Variants in NT5C1B observed in about 807,000 individuals in gnomAD.
NT5C1B encodes the protein cytosolic 5'-nucleotidase 1B.
Under a neutral mutation model 57.8 loss-of-function variants are expected in NT5C1B, and 44 were observed. The ratio of observed to expected loss-of-function variants is 0.76; its 90% confidence interval spans 0.60 to 0.98. The LOEUF (loss-of-function observed/expected upper bound fraction) is 0.98. Among genes scored for constraint, NT5C1B ranks in the 50% least tolerant of loss-of-function variants. NT5C1B has a pLI of 0.00. For missense variants in NT5C1B, 742 were observed against 719.5 expected, an observed-to-expected ratio of 1.03 and a Z score of -0.36; for synonymous variants, 284 against 282.6, an observed-to-expected ratio of 1.00 and a Z score of -0.05.
exon 9 of NT5C1B, chr2:18,563,309 T>C (rs931685532): frequency 1.2e-4 from 19 of 152,362 alleles, no homozygotes; most frequent in African/African-American, 4.6e-4. Context: ...AGTGAAATTC[T>C]CATTTTGCTT....
chr2:18,586,189 A>G (rs1018065076), intron 3 of NT5C1B, 65 bp downstream of exon 3: 7 of 1,578,608 alleles, frequency 4.4e-6, no homozygotes, highest in Non-Finnish European at 5.2e-6. Flanking sequence ...CGTAGAAAGC[A>G]TCAATAAATG....
Position 18,584,080 on chromosome 2 carries a change from C to T in NT5C1B, c.891+8G>A, listed in dbSNP as rs776277755. On this transcript the variant is annotated splice_region_variant and intron_variant, in intron 5 of 8. Transcript: ENST00000304081. The surrounding 1 kb of genome is among the most constrained non-coding windows in gnomAD (Gnocchi z 5.8). ...GTCCTGGCGGGCCAAAGACAGCTTG[C>T]AGAATACCTTGACGAAGCGGAACGC... 2 of 1,614,056 alleles carry T rather than the reference C, an allele frequency of 1.2e-6. No individual in the cohort carries two copies. The highest frequency in any genetic ancestry group is 4.5e-5 in the East Asian group (2 of 44,874).
At chr2:18,579,906 C>G (rs1339458676) in intron 6 of NT5C1B, among the ~76,000 whole-genome samples, 1 of 151,978 alleles carries the variant, frequency 6.6e-6, no homozygotes, top group Non-Finnish European at 1.5e-5. Flanking sequence ...GGTCAAAAAT[C>G]CAGAATTTGT....
In NT5C1B at chr2:18,584,723, G is replaced by A. The variant is rs750593615; in HGVS notation, c.514C>T (p.Pro172Ser). 5 of 1,612,944 alleles carry A rather than the reference G, an allele frequency of 3.1e-6. No homozygotes were observed. In the African/African-American group the frequency reaches 5.3e-5, roughly 17 times the overall value. The change falls in exon 4 of 9, where the codon CCG (proline) becomes TCG (serine). Residue 172 changes from proline (P) to serine (S), a missense_variant. Coordinates refer to ENST00000304081, the Ensembl canonical transcript of NT5C1B. The surrounding 1 kb of genome is among the most constrained non-coding windows in gnomAD (Gnocchi z 5.8). ...GGGGACGTGCGCGAATATTCCAGCG[G>A]CTGCGAGTCCCGGGTCTGGCGGATT... is the stretch of plus-strand genomic sequence containing the variant.
At position 18,584,221 on chromosome 2, in the gene NT5C1B, G is replaced by A. The variant is rs1426192508; in HGVS notation, c.758C>T (p.Ser253Leu). The change falls in exon 5 of 9, where the codon TCA becomes TTA. Residue 253 changes from serine to leucine, a missense_variant. Physicochemically the swap from Ser to Leu is moderately radical, Grantham distance 145. Transcript: ENST00000304081. The surrounding 1 kb of genome is among the most constrained non-coding windows in gnomAD (Gnocchi z 5.8). ...CACCATGTTGAAGAGCGCGCAGGAT[G>A]AGAGAGCAATGGTGATGGCGTTCTT... The A allele has an allele frequency of 3.1e-6, 5 of 1,614,220 alleles. No individual in the cohort carries two copies. The highest frequency in any genetic ancestry group is 2.2e-5 in the South Asian group (2 of 91,084).
intron 3 of NT5C1B, chr2:18,585,246 C>T: frequency 1.4e-6 from 1 of 726,148 alleles, no homozygotes; most frequent in Non-Finnish European, 2.5e-6. Flanking sequence ...GTAGATAGGA[C>T]CCAGTCCTCT....
intron 6 of NT5C1B, among the ~76,000 whole-genome samples, chr2:18,579,683 C>T (rs1278590056): frequency 2.6e-5 from 4 of 151,958 alleles, no homozygotes; most frequent in African/African-American, 9.7e-5. Flanking sequence ...AAGCCCAAGC[C>T]CTAGAGGAAA....
chr2:18,571,851 C>T (rs1665221012), intron 8 of NT5C1B, among the ~76,000 whole-genome samples: 1 of 149,166 alleles, frequency 6.7e-6, no homozygotes, highest in Non-Finnish European at 1.5e-5. Flanking sequence ...CCTGTAATCC[C>T]AGCACTTTGG....
intron 6 of NT5C1B, among the ~76,000 whole-genome samples, chr2:18,577,916 T>G (rs922486512): frequency 6.6e-6 from 1 of 151,786 alleles, no homozygotes; most frequent in Non-Finnish European, 1.5e-5. Context: ...CAATCAGAAA[T>G]GACACAAGTG....
intron 8 of NT5C1B, among the ~76,000 whole-genome samples, chr2:18,573,654 A>C (rs553966593): frequency 6.6e-6 from 1 of 152,062 alleles, no homozygotes; most frequent in African/African-American, 2.4e-5. Context: ...GACCTCTTCC[A>C]TTTGACAAAA....
At chr2:18,574,900 G>A (rs1665540110) in intron 8 of NT5C1B, among the ~76,000 whole-genome samples, 1 of 151,994 alleles carries the variant, frequency 6.6e-6, no homozygotes, top group African/African-American at 2.4e-5. Flanking sequence ...ACAGTATCAT[G>A]AGTGTATGTA....
chr2:18,585,826 C>A (rs1003011285), intron 3 of NT5C1B, among the ~76,000 whole-genome samples: 1 of 152,088 alleles, frequency 6.6e-6, no homozygotes, highest in Non-Finnish European at 1.5e-5. Flanking sequence ...ATCTTAATCT[C>A]AAAACTAACT....
chr2:18,572,839 A>T (rs1665330331), intron 8 of NT5C1B, among the ~76,000 whole-genome samples: 1 of 152,214 alleles, frequency 6.6e-6, no homozygotes. Flanking sequence ...AAAACCATGC[A>T]TTGCTTTTAG....
At chr2:18,576,340 T>A in exon 8 of NT5C1B, 1 of 1,613,218 alleles carries the variant, frequency 6.2e-7, no homozygotes, top group Non-Finnish European at 8.5e-7. Context: ...TGTCTTTGGC[T>A]CCATCAAACA....
intron 6 of NT5C1B, among the ~76,000 whole-genome samples, chr2:18,578,167 A>C (rs186198691): frequency 9.3e-4 from 141 of 152,276 alleles, no homozygotes; most frequent in African/African-American, 3.2e-3. Flanking sequence ...GACCAGATGG[A>C]TCCTCAGCCA....
intron 6 of NT5C1B, 36 bp from the exon 7 acceptor site, chr2:18,576,931 G>A: frequency 6.2e-7 from 1 of 1,609,236 alleles, no homozygotes; most frequent in Non-Finnish European, 8.5e-7. Flanking sequence ...TTATGACAGA[G>A]ATTAAAGACA....
intron 6 of NT5C1B, among the ~76,000 whole-genome samples, chr2:18,578,905 T>C (rs1665938113): frequency 1.3e-5 from 2 of 152,230 alleles, no homozygotes; most frequent in Non-Finnish European, 2.9e-5. Flanking sequence ...CCATAGTTTC[T>C]GCCCCAAAGT....
chr2:18,574,219 G>A (rs1665463969), intron 8 of NT5C1B, among the ~76,000 whole-genome samples: 1 of 151,974 alleles, frequency 6.6e-6, no homozygotes, highest in Admixed American at 6.6e-5. Context: ...ATATGAAAAG[G>A]TACTCAACAC....
chr2:18,570,347 A>G (rs1665037893), intron 8 of NT5C1B, among the ~76,000 whole-genome samples: 1 of 152,068 alleles, frequency 6.6e-6, no homozygotes, highest in African/African-American at 2.4e-5. Context: ...ACTGACCAAG[A>G]AAAACAACAA....
Sources: allele counts gnomAD v4.1 joint callset (sites outside exome capture counted in the v4.1 genomes callset), GRCh38; gene constraint gnomAD v4.1.1; non-coding constraint Gnocchi (gnomAD v3.1); transcripts MANE v1.5; gene names NCBI Gene and HGNC (gene_info 2026-07-23, HGNC 2026-07-21).